The following CACNA1A variants were observed in gnomAD, a reference collection of about 807,000 sequenced individuals.
CACNA1A encodes calcium voltage-gated channel subunit alpha1 A, also known as voltage-dependent P/Q-type calcium channel subunit alpha-1A.
CACNA1A carries 57 observed loss-of-function variants against 262.4 expected under a neutral mutation model. The ratio of observed to expected loss-of-function variants is 0.22; its 90% CI spans 0.18 to 0.27. The LOEUF (loss-of-function observed/expected upper bound fraction) is 0.27, where lower values mean the gene tolerates loss of function less well. Among genes scored for constraint, CACNA1A ranks in the 10% least tolerant of loss-of-function variants. CACNA1A has a pLI of 1.00. For missense variants in CACNA1A, 2,526 were observed against 3,562.8 expected (o/e 0.71, Z 7.41); for synonymous variants, 1,431 against 1,419.3 (o/e 1.01, Z -0.18).
At chr19:13,357,370 T>G (rs764167349) in intron 6 of CACNA1A, among the ~76,000 whole-genome samples, 1 of 152,208 alleles carries the variant, frequency 6.6e-6, no homozygotes, top group Non-Finnish European at 1.5e-5. Context: ...AAAGTTCAGC[T>G]TCTCTATGTA....
intron 1 of CACNA1A, among the ~76,000 whole-genome samples, chr19:13,482,994 T>C (rs1487268547): frequency 4.6e-5 from 7 of 152,020 alleles, no homozygotes. Flanking sequence ...ATCTCTTAAT[T>C]TGATTCTTAA....
At chr19:13,394,051 T>C (rs2059767973) in intron 3 of CACNA1A, among the ~76,000 whole-genome samples, 1 of 152,178 alleles carries the variant, frequency 6.6e-6, no homozygotes, top group Admixed American at 6.6e-5. Flanking sequence ...GTATGTATGT[T>C]ATATTCAATA....
intron 3 of CACNA1A, among the ~76,000 whole-genome samples, chr19:13,447,757 A>G (rs1425175851): frequency 6.6e-6 from 1 of 152,204 alleles, no homozygotes; most frequent in Non-Finnish European, 1.5e-5. Flanking sequence ...TTGGAATCTG[A>G]TTTTAGAGGG....
At chr19:13,463,561 G>A (rs999243062) in intron 1 of CACNA1A, among the ~76,000 whole-genome samples, 2 of 152,098 alleles carry the variant, frequency 1.3e-5, no homozygotes, top group African/African-American at 4.8e-5. Context: ...CCAGGGATGG[G>A]AATCCCCGGG....
chr19:13,391,151 C>T (rs555051074), intron 3 of CACNA1A, among the ~76,000 whole-genome samples: 49 of 152,294 alleles, frequency 3.2e-4, no homozygotes, highest in Admixed American at 2.9e-3. Flanking sequence ...TCCCAAAGTG[C>T]TGGGATTACA....
chr19:13,456,511 A>T (rs2061011263), intron 1 of CACNA1A, among the ~76,000 whole-genome samples: 1 of 151,964 alleles, frequency 6.6e-6, no homozygotes, highest in African/African-American at 2.4e-5. Context: ...TCTCTACTAA[A>T]AAAATACAAA....
chr19:13,262,495 T>C (rs2056757023), intron 25 of CACNA1A: 1 of 464,984 alleles, frequency 2.2e-6, no homozygotes, highest in Non-Finnish European at 3.9e-6. Flanking sequence ...AAAAAGGATC[T>C]TAACCCCAAG....
At chr19:13,208,528 C>T (rs2054664866) in intron 46 of CACNA1A, among the ~76,000 whole-genome samples, 1 of 2,404 alleles carries the variant, frequency 4.2e-4, no homozygotes, top group Admixed American at 4.9e-3. Context: ...GGGGAGGGGG[C>T]GGCGGGTGGG....
intron 8 of CACNA1A, among the ~76,000 whole-genome samples, chr19:13,333,435 ACT>A (rs2058500451): frequency 6.9e-6 from 1 of 145,288 alleles, no homozygotes; most frequent in South Asian, 2.2e-4. Context: ...CTAACTTCCT[ACT>A]CTTTTTTTTT....
intron 6 of CACNA1A, among the ~76,000 whole-genome samples, chr19:13,353,683 T>G (rs1395788027): frequency 2.0e-5 from 3 of 152,176 alleles, no homozygotes; most frequent in African/African-American, 7.2e-5. Flanking sequence ...CAAAAGGCAT[T>G]TAAACCAGGA....
At chr19:13,390,523 C>A (rs1333344109) in intron 3 of CACNA1A, among the ~76,000 whole-genome samples, 1 of 152,154 alleles carries the variant, frequency 6.6e-6, no homozygotes, top group Admixed American at 6.5e-5. Flanking sequence ...GTTTTGAGCA[C>A]TTAAAATGTG....
intron 1 of CACNA1A, among the ~76,000 whole-genome samples, chr19:13,482,022 A>G (rs545174781): frequency 2.6e-5 from 4 of 152,276 alleles, no homozygotes; most frequent in Non-Finnish European, 4.4e-5. Flanking sequence ...CAAGCTTGGC[A>G]TAGAATTTAT....
chr19:13,216,168 A>G (rs2055003919), intron 38 of CACNA1A, among the ~76,000 whole-genome samples: 1 of 151,950 alleles, frequency 6.6e-6, no homozygotes, highest in Admixed American at 6.6e-5. Flanking sequence ...CCCTCACCCC[A>G]GTCATGGGGT....
Position 13,506,217 on chromosome 19 carries a change from C to G in CACNA1A, c.8G>C (p.Arg3Pro). MA[R>P]FGDEMPARYG... The stretch of plus-strand genomic sequence containing the variant: ...GCGGGCCGGCATCTCGTCTCCGAAG[C>G]GGGCCATTCTGCAAAGAGCAAAGGG... Residue 3 changes from arginine to proline, a missense_variant, in exon 1 of 47, where the codon CGC becomes CCC. Physicochemically the swap from Arg to Pro is moderately radical, Grantham distance 103. This residue lies in a region of CACNA1A where 65 missense variants were observed against 75.6 expected (regional missense o/e 0.86). Coordinates refer to ENST00000360228, the MANE Select transcript of CACNA1A (RefSeq NM_001127222.2). 6.7e-7 allele frequency: 1 copy of G among 1,482,754 alleles called. No individual in the cohort carries two copies. The allele number at this position is 1,482,754 out of a possible 1,614,324, so 91.8% of individuals were successfully genotyped here.
chr19:13,245,312 T>G, intron 30 of CACNA1A, 47 bp from the exon 31 acceptor site: 1 of 1,519,440 alleles, frequency 6.6e-7, no homozygotes, highest in South Asian at 1.1e-5. Context: ...AGGGCTTGGT[T>G]CCCGGCCCCC....
intron 31 of CACNA1A, chr19:13,235,996 T>C (rs2055860715): frequency 2.7e-6 from 1 of 374,488 alleles, no homozygotes; most frequent in East Asian, 3.9e-5. Flanking sequence ...CCACCCACAA[T>C]GGGGAAAAGA....
rs1272847287 is a variant in CACNA1A, at chr19:13,308,159, A to G, written c.1874T>C (p.Val625Ala). Reference sequence around the variant, plus strand: ...TTGCATTCCCAAAAGGGCGAAGACGACAATGAACAGGAAAAGGAGAAACAA... The same window carrying G: ...TTGCATTCCCAAAAGGGCGAAGACGGCAATGAACAGGAAAAGGAGAAACAA... Reference protein sequence around the residue: ...SLLFLLFLFIVVFALLGMQLF... With the variant: ...SLLFLLFLFIAVFALLGMQLF... Residue 625 changes from valine (V) to alanine (A), a missense_variant, in exon 14 of 47, where the codon GTC becomes GCC. By Grantham distance (64) the Val-to-Ala change is moderately conservative (BLOSUM62 0). Around this residue, in one of 17 missense-constraint regions of CACNA1A, gnomAD observed 102 missense variants for 278.9 expected, o/e 0.37. Coordinates refer to ENST00000360228, the MANE Select transcript of CACNA1A (RefSeq NM_001127222.2). This position sits in a 1 kb window ranked among gnomAD's most constrained non-coding sequence, Gnocchi z 4.2. The G allele has an allele frequency of 6.2e-7, 1 of 1,614,050 alleles. No individual in the cohort carries two copies. Among genetic ancestry groups the G allele is most frequent in the South Asian group, 1.1e-5 (1 of 91,086 alleles).
intron 37 of CACNA1A, among the ~76,000 whole-genome samples, chr19:13,226,712 G>A (rs943518642): frequency 2.6e-5 from 4 of 152,124 alleles, no homozygotes; most frequent in African/African-American, 4.8e-5. Flanking sequence ...GTGCCTGCCC[G>A]CCCCAGGCCC....
At chr19:13,287,727 C>G (rs2057437313) in intron 19 of CACNA1A, among the ~76,000 whole-genome samples, 1 of 151,640 alleles carries the variant, frequency 6.6e-6, no homozygotes, top group Non-Finnish European at 1.5e-5. Flanking sequence ...GTCTCGAATT[C>G]CTGACCTCAA....
Sources: allele counts gnomAD v4.1 joint callset (sites outside exome capture counted in the v4.1 genomes callset), GRCh38; gene constraint gnomAD v4.1.1; regional missense constraint gnomAD v4.1.1; non-coding constraint Gnocchi (gnomAD v3.1); transcripts MANE v1.5; gene names NCBI Gene and HGNC (gene_info 2026-07-23, HGNC 2026-07-21).